ADAMTS3: variants seen among roughly 807,000 people sequenced by gnomAD.
The protein encoded by ADAMTS3 is ADAM metallopeptidase with thrombospondin type 1 motif 3, also known as A disintegrin and metalloproteinase with thrombospondin motifs 3.
A neutral mutation model predicts 129.0 loss-of-function variants in ADAMTS3; 73 were observed. The ratio of observed to expected loss-of-function variants is 0.57; its 90% confidence interval spans 0.47 to 0.69. The LOEUF (loss-of-function observed/expected upper bound fraction) is 0.69, where lower values mean the gene tolerates loss of function less well. Ranked by LOEUF, ADAMTS3 falls within the 30% of genes least tolerant of loss-of-function variation. The pLI, the probability that ADAMTS3 is intolerant of heterozygous loss-of-function variation, is 0.00. For missense variants in ADAMTS3, 1,457 were observed against 1,514.5 expected (o/e 0.96, Z 0.63); for synonymous variants, 477 against 510.8 (o/e 0.93, Z 0.89).
At chr4:72,545,352 C>T (rs1430760365) in intron 3 of ADAMTS3, among the ~76,000 whole-genome samples, 1 of 152,122 alleles carries the variant, frequency 6.6e-6, no homozygotes, top group South Asian at 2.1e-4. Context: ...TCCAATAGCT[C>T]AGACCTGGCA....
At chr4:72,530,051 T>TATAA (rs1720950650) in intron 3 of ADAMTS3, among the ~76,000 whole-genome samples, 1 of 5,602 alleles carries the variant, frequency 1.8e-4, no homozygotes, top group Non-Finnish European at 2.6e-4. Context: ...ATTATATTTA[T>TATAA]ATATAATATG....
chr4:72,550,087 A>G (rs1388773894), intron 2 of ADAMTS3, among the ~76,000 whole-genome samples: 4 of 115,906 alleles, frequency 3.5e-5, no homozygotes, highest in East Asian at 6.2e-4. Flanking sequence ...AAGAGGAAGA[A>G]GAAGAAGAAG....
At chr4:72,347,278 T>C (rs1416161525) in intron 4 of ADAMTS3, among the ~76,000 whole-genome samples, 4 of 149,734 alleles carry the variant, frequency 2.7e-5, no homozygotes, top group Non-Finnish European at 5.9e-5. Context: ...CTTATTTTAC[T>C]GCTTTTTTTT....
chr4:72,562,047 C>T (rs1721916555), intron 2 of ADAMTS3, among the ~76,000 whole-genome samples: 1 of 152,140 alleles, frequency 6.6e-6, no homozygotes, highest in Non-Finnish European at 1.5e-5. Flanking sequence ...TCTCAGATTG[C>T]ACTGTATGAG....
rs1254932347 is a variant in ADAMTS3 at position 72,314,364 on chromosome 4, TA to T, written c.1600-543del. On this transcript the variant is annotated intron_variant, in intron 11 of 21. Transcript: ENST00000286657. Reference sequence around the variant, plus strand: ...GGGTCATACATATATCATCAACAATTAGATGAGGAAAATTGAGGCCCAGAAA... The same window carrying T: ...GGGTCATACATATATCATCAACAATTGATGAGGAAAATTGAGGCCCAGAAA... 3.9e-5 allele frequency among the ~76,000 whole-genome samples: 6 copies of T among 152,120 alleles called. No homozygotes were observed. The East Asian group carries it at 1.2e-3, about 29-fold the overall frequency.
At chr4:72,447,678 C>T (rs1383748946) in intron 3 of ADAMTS3, among the ~76,000 whole-genome samples, 2 of 151,574 alleles carry the variant, frequency 1.3e-5, no homozygotes, top group African/African-American at 2.4e-5. Flanking sequence ...ACTCCATCTT[C>T]AACATCTGCA....
chr4:72,319,563 C>G, intron 8 of ADAMTS3, 88 bp from the exon 9 acceptor site: 1 of 1,463,934 alleles, frequency 6.8e-7, no homozygotes, highest in Non-Finnish European at 9.2e-7. Flanking sequence ...TGGGAAATAA[C>G]GTATTTTTGA....
chr4:72,421,283 T>G (rs2366036), intron 3 of ADAMTS3, among the ~76,000 whole-genome samples: 107,256 of 152,042 alleles, frequency 0.71, 38,090 homozygotes, highest in South Asian at 0.8. Flanking sequence ...CTATCCTAAC[T>G]TTTTCCCTTC....
At chr4:72,416,387 C>T (rs958935003) in intron 3 of ADAMTS3, among the ~76,000 whole-genome samples, 3 of 151,902 alleles carry the variant, frequency 2.0e-5, no homozygotes, top group Admixed American at 6.6e-5. Flanking sequence ...GCCACTTCTA[C>T]GCTTGCCTTT....
intron 2 of ADAMTS3, among the ~76,000 whole-genome samples, chr4:72,552,825 C>G (rs539386745): frequency 6.6e-6 from 1 of 152,140 alleles, no homozygotes; most frequent in East Asian, 1.9e-4. Context: ...CACTAGCAAC[C>G]ATTTTACCCT....
At chr4:72,560,478 A>G (rs1721876466) in intron 2 of ADAMTS3, among the ~76,000 whole-genome samples, 2 of 152,216 alleles carry the variant, frequency 1.3e-5, no homozygotes, top group African/African-American at 4.8e-5. Flanking sequence ...AATGTGATAT[A>G]TATACACCAT....
rs542755929 is a variant in ADAMTS3, at chr4:72,425,724, A to C, written c.505-10753T>G. On this transcript the variant is annotated intron_variant, in intron 3 of 21. Coordinates refer to ENST00000286657, the MANE Select transcript of ADAMTS3 (RefSeq NM_014243.3). Reference sequence around the variant, plus strand: ...TATATGTGCCACATTTTCTTAATCCAGTCTATCATTGTTGGACATTTGGGT... The same window carrying C: ...TATATGTGCCACATTTTCTTAATCCCGTCTATCATTGTTGGACATTTGGGT... Among the ~76,000 whole-genome samples the C allele has an allele frequency of 3.3e-5, 5 of 151,920 alleles. No individual in the cohort carries two copies. In the South Asian group the frequency reaches 8.4e-4, roughly 25 times the overall value.
chr4:72,466,080 A>G (rs1007260434), intron 3 of ADAMTS3, among the ~76,000 whole-genome samples: 7 of 152,118 alleles, frequency 4.6e-5, no homozygotes, highest in African/African-American at 1.7e-4. Flanking sequence ...TGTCCTATCA[A>G]TAAAAAGAGA....
At position 72,339,586 on chromosome 4, in the gene ADAMTS3, TG is replaced by T; in HGVS notation, c.768del (p.Tyr256Ter). 1 of 1,613,942 alleles carries T rather than the reference TG, an allele frequency of 6.2e-7. No individual in the cohort carries two copies. The highest frequency in any genetic ancestry group is 8.5e-7 in the Non-Finnish European group (1 of 1,179,896). The part of the protein sequence containing the change: ...RRRRHAGEND[Y>X]NIEVLLGVDD... ...TCCACTCCCAGCAGTACCTCGATAT[TG>T]TAATCGTTTTCTCCCGCGTGTCTGC... On this transcript the variant is annotated frameshift_variant, in exon 5 of 22. Transcript: ENST00000286657. LOFTEE classifies it high-confidence loss of function.
At chr4:72,321,790 A>ATTTTTTTTTT (rs779322014) in intron 6 of ADAMTS3, among the ~76,000 whole-genome samples, 4 of 148,636 alleles carry the variant, frequency 2.7e-5, no homozygotes, top group Non-Finnish European at 6.0e-5. Flanking sequence ...AAAAACTCCC[A>ATTTTTTTTTT]TTTTTTTTTT....
chr4:72,314,043 A>G (rs1217293838), intron 11 of ADAMTS3, among the ~76,000 whole-genome samples: 1 of 152,008 alleles, frequency 6.6e-6, no homozygotes, highest in African/African-American at 2.4e-5. Flanking sequence ...TGGAAAAACA[A>G]CATTCACTCA....
At chr4:72,323,982 G>T (rs1050463670) in intron 5 of ADAMTS3, among the ~76,000 whole-genome samples, 1 of 151,770 alleles carries the variant, frequency 6.6e-6, no homozygotes, top group Admixed American at 6.6e-5. Flanking sequence ...CATTAACCTA[G>T]TGCAAAATTA....
At chr4:72,367,091 T>C (rs190423074) in intron 4 of ADAMTS3, among the ~76,000 whole-genome samples, 94 of 152,330 alleles carry the variant, frequency 6.2e-4, no homozygotes, top group African/African-American at 2.1e-3. Context: ...GACACATTTT[T>C]CAGCAAATTC....
chr4:72,499,597 G>T (rs1719956865), intron 3 of ADAMTS3, among the ~76,000 whole-genome samples: 1 of 152,036 alleles, frequency 6.6e-6, no homozygotes, highest in East Asian at 1.9e-4. Flanking sequence ...GGGGGCTCAG[G>T]CATTTCTTTA....
Sources: allele counts gnomAD v4.1 joint callset (sites outside exome capture counted in the v4.1 genomes callset), GRCh38; gene constraint gnomAD v4.1.1; transcripts MANE v1.5; gene names NCBI Gene and HGNC (gene_info 2026-07-23, HGNC 2026-07-21).